Variants in WWP2 observed in about 807,000 individuals in gnomAD.
The protein encoded by WWP2 is WW domain containing E3 ubiquitin protein ligase 2.
In WWP2, 57 loss-of-function variants were observed where a neutral mutation model predicts 121.0. The observed-to-expected ratio is 0.47, with a 90% CI of 0.38 to 0.59. The LOEUF (loss-of-function observed/expected upper bound fraction) is 0.59. Among genes scored for constraint, WWP2 ranks in the 20% least tolerant of loss-of-function variants. WWP2 has a pLI of 0.00. For missense variants in WWP2, 962 were observed against 1,158.9 expected (o/e 0.83, Z 2.47); for synonymous variants, 449 against 441.3 (o/e 1.02, Z -0.22).
Position 69,929,552 on chromosome 16 carries a change from G to A in WWP2, c.1316+23G>A, listed in dbSNP as rs568681071. The stretch of plus-strand genomic sequence containing the variant: ...GGGGTAAGGACTTGGGCTGAGAGGG[G>A]GGCCGGGCTGGGCTGGGTCTCTGTG... On this transcript the variant is annotated intron_variant, in intron 12 of 23. Coordinates refer to ENST00000359154, the MANE Select transcript of WWP2 (RefSeq NM_001270454.2). 3.8e-4 allele frequency: 615 copies of A among 1,608,802 alleles called. 11 individuals carry two copies. In the South Asian group the frequency reaches 6.6e-3, roughly 17 times the overall value.
intron 16 of WWP2, 107 bp from the exon 17 acceptor site, chr16:69,933,863 C>A: frequency 2.3e-6 from 3 of 1,331,166 alleles, no homozygotes; most frequent in Admixed American, 1.9e-5. Context: ...CCCTGGGACA[C>A]GTGTCCCCAT....
At chr16:69,934,275 T>C in intron 17 of WWP2, 146 bp downstream of exon 17, 1 of 1,086,220 alleles carries the variant, frequency 9.2e-7, no homozygotes, top group Non-Finnish European at 1.3e-6. Flanking sequence ...GCCCTGGGCC[T>C]GTTCACCAGG....
At chr16:69,840,302 G>A (rs762252673) in intron 5 of WWP2, 39 bp downstream of exon 5, 2 of 1,610,142 alleles carry the variant, frequency 1.2e-6, no homozygotes, top group Admixed American at 1.7e-5. Flanking sequence ...TGCCGGGACA[G>A]GGTGGGGCTG....
chr16:69,823,528 G>T (rs1379340083), intron 4 of WWP2, among the ~76,000 whole-genome samples: 1 of 150,920 alleles, frequency 6.6e-6, no homozygotes, highest in Non-Finnish European at 1.5e-5. Flanking sequence ...GGAGTGCAGT[G>T]GTGCGGTCTT....
rs530408058 is a variant in WWP2, at chr16:69,807,619, C to CAAAAAAAAAAAA, written c.340+8338_340+8349dup. On this transcript the variant is annotated intron_variant, in intron 4 of 23. Coordinates refer to ENST00000359154, the MANE Select transcript of WWP2 (RefSeq NM_001270454.2). ...GGGTGACAGAGCAAGACCCTTTCTC[C>CAAAAAAAAAAAA]AAAAAAAAAAAAAAAAAAAAAAAAA... Among the ~76,000 whole-genome samples the CAAAAAAAAAAAA allele has an allele frequency of 3.8e-4, 18 of 46,860 alleles. 1 individual carries two copies. Among genetic ancestry groups the CAAAAAAAAAAAA allele is most frequent in the East Asian group, 1.7e-3 (3 of 1,772 alleles). The allele number at this position is 46,860 out of a possible 152,430, so 30.7% of individuals were successfully genotyped here.
chr16:69,872,707 G>A (rs1046960850), intron 7 of WWP2, among the ~76,000 whole-genome samples: 5 of 152,232 alleles, frequency 3.3e-5, no homozygotes, highest in African/African-American at 1.2e-4. Flanking sequence ...CTGGGGCAGA[G>A]CCAGGTAACT....
At chr16:69,919,315 G>A (rs1327839678) in intron 10 of WWP2, among the ~76,000 whole-genome samples, 3 of 144,620 alleles carry the variant, frequency 2.1e-5, no homozygotes, top group African/African-American at 5.2e-5. Context: ...ACAGGCACAC[G>A]CCACCGTGCC....
intron 4 of WWP2, among the ~76,000 whole-genome samples, chr16:69,826,720 A>G (rs1798409124): frequency 1.4e-5 from 1 of 69,698 alleles, no homozygotes; most frequent in Non-Finnish European, 3.0e-5. Flanking sequence ...TCTAATAAAA[A>G]TACAAAAAAA....
intron 9 of WWP2, chr16:69,909,637 T>A (rs2058351248): frequency 1.0e-6 from 1 of 985,440 alleles, no homozygotes; most frequent in Non-Finnish European, 1.2e-6. Flanking sequence ...TCATCAGTAC[T>A]CACTGTGTTT....
At chr16:69,801,784 TC>T (rs1312079047) in intron 4 of WWP2, among the ~76,000 whole-genome samples, 2 of 152,150 alleles carry the variant, frequency 1.3e-5, no homozygotes, top group East Asian at 3.8e-4. Context: ...TCCCCTCAGA[TC>T]CTTGTTCTGA....
At chr16:69,785,776 A>G (rs1367133419) in intron 1 of WWP2, among the ~76,000 whole-genome samples, 1 of 151,526 alleles carries the variant, frequency 6.6e-6, no homozygotes, top group Non-Finnish European at 1.5e-5. Flanking sequence ...ACAGGCACCC[A>G]CTACCACGCC....
rs563167149 is a variant in WWP2 at position 69,923,391 on chromosome 16, AAGAG to A, written c.1180-2036_1180-2033del. 4.4e-4 allele frequency among the ~76,000 whole-genome samples: 65 copies of A among 148,674 alleles called. 1 individual carries two copies. The South Asian group carries it at 0.014, about 32-fold the overall frequency. Reference sequence around the variant, plus strand: ...AAATTTTTTAAAAACCCTTTAACGAAAGAGAGCCAACATTGCATGAAGGCTGAGA... The same window carrying A: ...AAATTTTTTAAAAACCCTTTAACGAAAGCCAACATTGCATGAAGGCTGAGA... On this transcript the variant is annotated intron_variant, in intron 10 of 23. Transcript: ENST00000359154.
At chr16:69,928,284 A>C (rs533651306) in intron 11 of WWP2, among the ~76,000 whole-genome samples, 1 of 152,318 alleles carries the variant, frequency 6.6e-6, no homozygotes, top group South Asian at 2.1e-4. Flanking sequence ...TCAGGAGAGA[A>C]GCAGATTTGA....
intron 4 of WWP2, among the ~76,000 whole-genome samples, chr16:69,827,703 G>A (rs965891772): frequency 6.6e-6 from 1 of 152,238 alleles, no homozygotes; most frequent in African/African-American, 2.4e-5. Context: ...GGCCGCTGCG[G>A]TTCCCTGAGG....
At chr16:69,767,083 C>G (rs1340792067) in intron 1 of WWP2, among the ~76,000 whole-genome samples, 1 of 147,188 alleles carries the variant, frequency 6.8e-6, no homozygotes, top group Non-Finnish European at 1.5e-5. Flanking sequence ...TAATGGGTTT[C>G]TTTTTTCTTA....
intron 15 of WWP2, 57 bp from the exon 16 acceptor site, chr16:69,931,744 GC>G: frequency 6.3e-7 from 1 of 1,588,216 alleles, no homozygotes; most frequent in Admixed American, 1.7e-5. Flanking sequence ...TGTCCCTCCC[GC>G]CCCTGCCTGC....
intron 4 of WWP2, among the ~76,000 whole-genome samples, chr16:69,835,072 T>G (rs1409273384): frequency 6.6e-6 from 1 of 152,166 alleles, no homozygotes; most frequent in Non-Finnish European, 1.5e-5. Flanking sequence ...GCTTCCTATA[T>G]GCTAACTCAG....
At chr16:69,791,673 C>T (rs1407334006) in intron 2 of WWP2, among the ~76,000 whole-genome samples, 1 of 152,204 alleles carries the variant, frequency 6.6e-6, no homozygotes, top group African/African-American at 2.4e-5. Flanking sequence ...CATACACTAC[C>T]ATACTTAGCT....
chr16:69,798,946 G>A (rs753709587), intron 3 of WWP2, 117 bp downstream of exon 3: 72 of 1,458,576 alleles, frequency 4.9e-5, no homozygotes, highest in Non-Finnish European at 6.6e-5. Context: ...TCTACCTATG[G>A]TACCCAAGGT....
Sources: gnomAD v4.1 joint callset for allele counts (sites outside exome capture counted in the v4.1 genomes callset) on GRCh38, gnomAD v4.1.1 for gene constraint, MANE v1.5 for transcripts, NCBI Gene and HGNC (gene_info 2026-07-23, HGNC 2026-07-21) for gene names.